Variants in FBLN2 observed in about 807,000 individuals in gnomAD.
FBLN2 encodes fibulin-2.
A neutral mutation model predicts 123.7 loss-of-function variants in FBLN2; 81 were observed. The ratio of observed to expected loss-of-function variants is 0.65; its 90% CI spans 0.55 to 0.79. FBLN2 has a LOEUF of 0.79. Ranked by LOEUF, FBLN2 falls within the 30% of genes least tolerant of loss-of-function variation. The probability of loss-of-function intolerance (pLI) is 0.00; values close to 1 mark genes in which losing one functional copy is unlikely to be tolerated. For synonymous variants in FBLN2, 699 were observed against 701.4 expected (o/e 1.00, Z 0.05); for missense variants, 1,603 against 1,681.3 (o/e 0.95, Z 0.81).
intron 2 of FBLN2, among the ~76,000 whole-genome samples, chr3:13,585,642 T>C (rs1166992197): frequency 1.3e-5 from 2 of 152,166 alleles, no homozygotes; most frequent in Admixed American, 1.3e-4. Flanking sequence ...GCCTAGCACA[T>C]GGGCTGGGCG....
In FBLN2 at chr3:13,568,309, C is replaced by T. The variant is rs60760991; in HGVS notation, c.-41-2006C>T. On this transcript the variant is annotated intron_variant, in intron 1 of 17. Transcript: ENST00000404922. ...CGCTCCTGGACTTCTGTCTTCTGTC[C>T]GCTGCATCCTATCCATCAGCAAATC... 3.9e-3 allele frequency among the ~76,000 whole-genome samples: 592 copies of T among 152,300 alleles called. 5 individuals are homozygous for T. Among genetic ancestry groups the T allele is most frequent in the African/African-American group, 9.8e-3 (409 of 41,562 alleles).
chr3:13,571,631 G>C lies in FBLN2; in HGVS notation c.1276G>C (p.Val426Leu), dbSNP rs1232124379. ...GGAGGAGGACACAGACCCCAACTCT[G>C]TCCATTCTATCCCCAGAAGTAGCCC... ...HVEEDTDPNS[V>L]HSIPRSSPEG... The change falls in exon 2 of 18, where the codon GTC becomes CTC. Residue 426 changes from valine (V) to leucine (L), a missense_variant. Coordinates refer to ENST00000404922, the MANE Select transcript of FBLN2 (RefSeq NM_001004019.2). 1 of 1,606,990 alleles carries C rather than the reference G, an allele frequency of 6.2e-7. No homozygotes were observed. The highest frequency in any genetic ancestry group is 2.2e-5 in the East Asian group (1 of 44,816).
At chr3:13,609,796 C>G (rs1201979444) in intron 4 of FBLN2, among the ~76,000 whole-genome samples, 154 bp downstream of exon 4, 2 of 152,210 alleles carry the variant, frequency 1.3e-5, no homozygotes, top group Non-Finnish European at 2.9e-5. Context: ...GACTCTTAAT[C>G]TGCGCAGAAA....
At chr3:13,616,145 G>A (rs1419591953) in intron 5 of FBLN2, among the ~76,000 whole-genome samples, 1 of 152,210 alleles carries the variant, frequency 6.6e-6, no homozygotes, top group Non-Finnish European at 1.5e-5. Context: ...CCAATCCAAT[G>A]TGGGTACAGA....
At chr3:13,613,057 G>A (rs923235360) in intron 4 of FBLN2, among the ~76,000 whole-genome samples, 1 of 152,172 alleles carries the variant, frequency 6.6e-6, no homozygotes, top group African/African-American at 2.4e-5. Context: ...TGGCTGGGAT[G>A]ACTTGTTTCT....
At chr3:13,593,878 A>G (rs79250850) in intron 2 of FBLN2, among the ~76,000 whole-genome samples, 4,092 of 152,170 alleles carry the variant, frequency 0.027, 192 homozygotes, top group African/African-American at 0.093. Flanking sequence ...ATTAGCAAGT[A>G]TGAATTCTTC....
At chr3:13,623,538 G>A (rs749446631) in intron 9 of FBLN2, among the ~76,000 whole-genome samples, 2 of 152,072 alleles carry the variant, frequency 1.3e-5, no homozygotes, top group African/African-American at 4.8e-5. Context: ...AGTACCTGCC[G>A]CGCGTTCTTT....
At chr3:13,617,568 AACCCATCC>A (rs1191996428) in intron 5 of FBLN2, among the ~76,000 whole-genome samples, 2 of 109,910 alleles carry the variant, frequency 1.8e-5, no homozygotes, top group East Asian at 2.8e-4. Context: ...ATCCAGTTAC[AACCCATCC>A]ACCCATCCAT....
rs1705862558 is a variant in FBLN2, at chr3:13,621,841, G to A, written c.2222G>A (p.Gly741Glu). The change falls in exon 9 of 18, where the codon GGA becomes GAA. Residue 741 changes from glycine (G) to glutamate (E), a missense_variant. Physicochemically the swap from Gly to Glu is moderately conservative, Grantham distance 98. Transcript: ENST00000404922. The part of the protein sequence containing the change: ...SRRQFCVNTL[G>E]SFYCVNHTVL... ...CGACAGTTCTGTGTGAACACCCTGG[G>A]ATCCTTCTACTGTGTCAACCACACA... is the stretch of plus-strand genomic sequence containing the variant. 1 of 1,613,908 alleles carries A rather than the reference G, an allele frequency of 6.2e-7. No individual in the cohort carries two copies. The highest frequency in any genetic ancestry group is 1.7e-5 in the Admixed American group (1 of 60,006).
chr3:13,558,788 C>T (rs12639344), intron 1 of FBLN2, among the ~76,000 whole-genome samples: 12 of 5,552 alleles, frequency 2.2e-3, no homozygotes, highest in East Asian at 0.01. Context: ...CACCCATCCA[C>T]CCACCCACCC....
chr3:13,586,138 T>C (rs1312732258), intron 2 of FBLN2, among the ~76,000 whole-genome samples: 1 of 152,162 alleles, frequency 6.6e-6, no homozygotes, highest in Non-Finnish European at 1.5e-5. Flanking sequence ...ATCCTGACCC[T>C]GTGTAGGCCT....
At position 13,571,626 on chromosome 3, in the gene FBLN2, A is replaced by G; in HGVS notation, c.1271A>G (p.Asn424Ser). 1 of 1,608,504 alleles carries G rather than the reference A, an allele frequency of 6.2e-7. No individual in the cohort carries two copies. The highest frequency in any genetic ancestry group is 8.5e-7 in the Non-Finnish European group (1 of 1,177,184). ...HSHVEEDTDP[N>S]SVHSIPRSSP... is the part of the protein sequence containing the mutation. The stretch of plus-strand genomic sequence containing the variant: ...CACGTGGAGGAGGACACAGACCCCA[A>G]CTCTGTCCATTCTATCCCCAGAAGT... The change falls in exon 2 of 18, where the codon AAC becomes AGC. Residue 424 changes from asparagine (N) to serine (S), a missense_variant. By Grantham distance (46) the Asn-to-Ser change is conservative. Coordinates refer to ENST00000404922, the MANE Select transcript of FBLN2 (RefSeq NM_001004019.2).
At chr3:13,574,528 G>A (rs951882480) in intron 2 of FBLN2, among the ~76,000 whole-genome samples, 5 of 152,168 alleles carry the variant, frequency 3.3e-5, no homozygotes, top group African/African-American at 1.2e-4. Context: ...AGGCAGGGAT[G>A]GCCTGGCCGA....
chr3:13,637,343 ACT>A (rs1318650520), intron 17 of FBLN2, among the ~76,000 whole-genome samples: 1 of 152,194 alleles, frequency 6.6e-6, no homozygotes, highest in Non-Finnish European at 1.5e-5. Context: ...GCCATGCTAA[ACT>A]CACCCATTCC....
chr3:13,568,539 G>A (rs13084718), intron 1 of FBLN2, among the ~76,000 whole-genome samples: 102,757 of 151,782 alleles, frequency 0.68, 35,304 homozygotes, highest in East Asian at 0.9. Flanking sequence ...CTGGAAGCCC[G>A]TTGCTCTGCA....
At chr3:13,632,077 G>T (rs549987318) in intron 16 of FBLN2, among the ~76,000 whole-genome samples, 17 of 152,202 alleles carry the variant, frequency 1.1e-4, no homozygotes, top group Non-Finnish European at 2.5e-4. Flanking sequence ...CCTGGATAGA[G>T]ACCGTGTTCT....
At chr3:13,634,957 T>C (rs1417521456) in intron 16 of FBLN2, among the ~76,000 whole-genome samples, 1 of 152,202 alleles carries the variant, frequency 6.6e-6, no homozygotes, top group African/African-American at 2.4e-5. Context: ...CTATTGGTAT[T>C]ATTACTATTA....
rs1285168494 is a variant in FBLN2, at chr3:13,631,378, T to C, written c.3135T>C (p.Cys1045=). ...QGAGILCTFR[C]LNVPGSYQCA... ...CCGGCATCCTCTGCACCTTCCGCTG[T>C]CTCAACGTGCCAGGGAGCTACCAGT... is the stretch of plus-strand genomic sequence containing the variant. The change falls in exon 16 of 18, where the codon TGT becomes TGC. Residue 1045 remains cysteine (C), a synonymous_variant. Coordinates refer to ENST00000404922, the MANE Select transcript of FBLN2 (RefSeq NM_001004019.2). The C allele has an allele frequency of 3.1e-6, 5 of 1,602,780 alleles. No homozygotes were observed. In the South Asian group the frequency reaches 3.4e-5, roughly 11 times the overall value.
chr3:13,607,757 C>A (rs1235578242), intron 2 of FBLN2, among the ~76,000 whole-genome samples: 4 of 152,100 alleles, frequency 2.6e-5, no homozygotes, highest in African/African-American at 9.7e-5. Flanking sequence ...TGAGGTCTGA[C>A]CCTGTGGGAG....
Sources: allele counts gnomAD v4.1 joint callset (sites outside exome capture counted in the v4.1 genomes callset), GRCh38; gene constraint gnomAD v4.1.1; transcripts MANE v1.5; gene names NCBI Gene and HGNC (gene_info 2026-07-23, HGNC 2026-07-21).